Variants in ZNF559 observed in about 807,000 individuals in gnomAD.
The protein encoded by ZNF559 is putative protein product of Nbla00121.
In ZNF559, 17 loss-of-function variants were observed where a neutral mutation model predicts 14.2. That is an observed-to-expected ratio of 1.20 (90% CI 0.82 to 1.80). The LOEUF is 1.80. ZNF559 is among the 40% of genes most tolerant of loss of function. ZNF559 has a pLI of 0.00. For synonymous variants in ZNF559, 244 were observed against 212.4 expected, an observed-to-expected ratio of 1.15 and a Z score of -1.29; for missense variants, 740 against 629.7, an observed-to-expected ratio of 1.18 and a Z score of -1.88.
Position 9,324,264 on chromosome 19 carries a change from C to G in ZNF559, c.-206+36C>G, listed in dbSNP as rs908166988. The G allele has an allele frequency of 2.0e-6, 3 of 1,535,932 alleles. No homozygotes were observed. In the African/African-American group the frequency reaches 4.1e-5, roughly 21 times the overall value. ...GTTTCTGGGCGGCGTTCGGTGGTGTCCCGGTGCAGCCACGCGAGAGTAGAA... is the reference window on the plus strand; with the variant it reads ...GTTTCTGGGCGGCGTTCGGTGGTGTGCCGGTGCAGCCACGCGAGAGTAGAA... On this transcript the variant is annotated intron_variant, in intron 1 of 6. Coordinates refer to ENST00000603380, the MANE Select transcript of ZNF559 (RefSeq NM_032497.3).
At chr19:9,328,251 C>T (rs547754642) in intron 2 of ZNF559, among the ~76,000 whole-genome samples, 2 of 151,116 alleles carry the variant, frequency 1.3e-5, no homozygotes, top group South Asian at 2.1e-4. Flanking sequence ...TTCTTTTTGT[C>T]CTTACTAAGG....
intron 5 of ZNF559, among the ~76,000 whole-genome samples, chr19:9,340,627 C>T (rs113990187): frequency 0.02 from 2,998 of 147,312 alleles, 104 homozygotes; most frequent in African/African-American, 0.072. Context: ...AATGCAGTGG[C>T]GCGATCTCAG....
chr19:9,339,411 G>A (rs2067419282), intron 5 of ZNF559, 92 bp downstream of exon 5: 1 of 1,417,478 alleles, frequency 7.1e-7, no homozygotes, highest in Non-Finnish European at 9.5e-7. Context: ...TTAATGGGCT[G>A]CATTGGTAAA....
rs754075892 is a variant in ZNF559, at chr19:9,342,816, TA to T, written c.1369del (p.Arg457GlufsTer28). The T allele has an allele frequency of 2.5e-5, 41 of 1,613,724 alleles. No homozygotes were observed. Among genetic ancestry groups the T allele is most frequent in the Non-Finnish European group, 3.4e-5 (40 of 1,179,972 alleles). On this transcript the variant is annotated frameshift_variant, in exon 7 of 7. Transcript: ENST00000603380. LOFTEE classifies it low-confidence loss of function (END_TRUNC). ...FRYSSHLSQH[K>X]RIHTGERPYK... ...GATACTCCTCGCACCTTAGTCAACATAAAAGAATACATACAGGGGAGAGGCC... is the reference window on the plus strand; with the variant it reads ...GATACTCCTCGCACCTTAGTCAACATAAAGAATACATACAGGGGAGAGGCC...
chr19:9,335,839 T>C (rs2067207671), intron 2 of ZNF559, among the ~76,000 whole-genome samples: 1 of 152,194 alleles, frequency 6.6e-6, no homozygotes, highest in Non-Finnish European at 1.5e-5. Context: ...AAATATTTTC[T>C]ACCCTCTGCT....
Position 9,343,761 on chromosome 19 carries a change from G to A in ZNF559, c.*693G>A. ...TTACATGCAAAAAGTCACACTAGAG[G>A]AATGCCATATCAGAATGCTTTTGGT... is the stretch of plus-strand genomic sequence containing the variant. On this transcript the variant is annotated 3_prime_UTR_variant, in exon 7 of 7. Coordinates refer to ENST00000603380, the MANE Select transcript of ZNF559 (RefSeq NM_032497.3). 7 of 985,746 alleles carry A rather than the reference G, an allele frequency of 7.1e-6. No individual in the cohort carries two copies. The highest frequency in any genetic ancestry group is 1.7e-5 in the African/African-American group (1 of 57,348). 61.1% of individuals were successfully genotyped at this position (985,746 alleles called of 1,614,324 possible).
At chr19:9,324,124 C>G, upstream of ZNF559, 1 of 1,529,554 alleles carries the variant, frequency 6.5e-7, no homozygotes, top group East Asian at 2.5e-5. Context: ...ACCCGAGGCC[C>G]CGCCCCCTAG....
chr19:9,326,299 G>T (rs1361409756), intron 2 of ZNF559, among the ~76,000 whole-genome samples: 3 of 151,856 alleles, frequency 2.0e-5, no homozygotes, highest in Admixed American at 1.3e-4. Context: ...TAGAGACAGG[G>T]TTTCACCGTG....
chr19:9,332,543 C>T (rs983841402), intron 2 of ZNF559, among the ~76,000 whole-genome samples: 4 of 152,250 alleles, frequency 2.6e-5, no homozygotes, highest in Middle Eastern at 3.4e-3. Context: ...AGGCTACATG[C>T]ACCTCAGTGA....
At chr19:9,334,831 A>G (rs1389506890) in intron 2 of ZNF559, among the ~76,000 whole-genome samples, 5 of 152,156 alleles carry the variant, frequency 3.3e-5, no homozygotes, top group African/African-American at 1.2e-4. Flanking sequence ...GGTTTTTTAG[A>G]AGTATAAAAT....
intron 2 of ZNF559, among the ~76,000 whole-genome samples, chr19:9,327,963 T>C (rs961962267): frequency 6.6e-6 from 1 of 152,214 alleles, no homozygotes; most frequent in Non-Finnish European, 1.5e-5. Flanking sequence ...AAAGTCATGT[T>C]CCTTTTAGAC....
chr19:9,324,436 G>C, intron 1 of ZNF559: 2 of 1,439,322 alleles, frequency 1.4e-6, no homozygotes, highest in East Asian at 5.0e-5. Flanking sequence ...CGGCTGCGCT[G>C]GGGCCTCGGC....
intron 2 of ZNF559, among the ~76,000 whole-genome samples, chr19:9,334,070 T>C (rs2067091614): frequency 6.6e-6 from 1 of 152,228 alleles, no homozygotes; most frequent in Non-Finnish European, 1.5e-5. Flanking sequence ...GAAAAACAGT[T>C]TGGCATTGTG....
intron 2 of ZNF559, among the ~76,000 whole-genome samples, chr19:9,327,583 TCTC>T (rs1187728627): frequency 6.6e-6 from 1 of 152,178 alleles, no homozygotes; most frequent in Non-Finnish European, 1.5e-5. Context: ...TCAGTCATCT[TCTC>T]CTGAACCTGT....
chr19:9,343,820 TAATAAA>T lies in ZNF559; in HGVS notation c.*757_*762del. ...ATGTTTTAAAGAGGTTATATATCAT[TAATAAA>T]AATATCTAGCTGGTCTGAAGATCCT... is the stretch of plus-strand genomic sequence containing the variant. On this transcript the variant is annotated 3_prime_UTR_variant, in exon 7 of 7. Transcript: ENST00000603380. The T allele has an allele frequency of 1.0e-6, 1 of 982,534 alleles. No homozygotes were observed. Among genetic ancestry groups the T allele is most frequent in the East Asian group, 1.1e-4 (1 of 8,814 alleles). The allele number at this position is 982,534 out of a possible 1,614,324, so 60.9% of individuals were successfully genotyped here.
chr19:9,327,650 A>G (rs1319188392), intron 2 of ZNF559, among the ~76,000 whole-genome samples: 1 of 152,080 alleles, frequency 6.6e-6, no homozygotes, highest in African/African-American at 2.4e-5. Flanking sequence ...TTCTTTCTCC[A>G]TTCTTTAGCT....
rs1010060260 is a variant in ZNF559, at chr19:9,334,073, G to A, written c.-119-3723G>A. Among the ~76,000 whole-genome samples the A allele has an allele frequency of 2.6e-5, 4 of 152,292 alleles. No homozygotes were observed. The East Asian group carries it at 7.7e-4, about 29-fold the overall frequency. On this transcript the variant is annotated intron_variant, in intron 2 of 6. Transcript: ENST00000603380. ...GAAATATGTTTTGAAAAACAGTTTG[G>A]CATTGTGTTCCAAATTTGAATGTAA...
At chr19:9,339,389 A>G in intron 5 of ZNF559, 70 bp downstream of exon 5, 2 of 1,512,182 alleles carry the variant, frequency 1.3e-6, no homozygotes. Context: ...ACTATGTTCT[A>G]GACTCTGCTT....
At chr19:9,331,423 G>A (rs950541730) in intron 2 of ZNF559, among the ~76,000 whole-genome samples, 5 of 151,980 alleles carry the variant, frequency 3.3e-5, no homozygotes, top group African/African-American at 1.2e-4. Flanking sequence ...TAATTTTAAG[G>A]GGCACAGACT....
Sources: allele counts gnomAD v4.1 joint callset (sites outside exome capture counted in the v4.1 genomes callset), GRCh38; gene constraint gnomAD v4.1.1; transcripts MANE v1.5; gene names NCBI Gene and HGNC (gene_info 2026-07-23, HGNC 2026-07-21).